Variants in COLGALT2 observed in about 807,000 individuals in gnomAD.
The protein encoded by COLGALT2 is collagen beta(1-O)galactosyltransferase 2.
A neutral mutation model predicts 73.4 loss-of-function variants in COLGALT2; 49 were observed. The observed-to-expected ratio is 0.67, with a 90% CI of 0.53 to 0.85. COLGALT2 has a LOEUF of 0.85. COLGALT2 is among the 40% of genes least tolerant of loss of function. The pLI, the probability that COLGALT2 is intolerant of heterozygous loss-of-function variation, is 0.00. For synonymous variants in COLGALT2, 295 were observed against 307.6 expected (o/e 0.96, Z 0.43); for missense variants, 722 against 790.2 (o/e 0.91, Z 1.03).
chr1:183,932,635 C>T (rs1023595117), downstream of COLGALT2, among the ~76,000 whole-genome samples: 4 of 152,150 alleles, frequency 2.6e-5, no homozygotes, highest in African/African-American at 4.8e-5. Context: ...GCTTGTTCCA[C>T]GGCTGGGGTC....
In COLGALT2 at chr1:183,969,478, A is replaced by G. The variant is rs758136485; in HGVS notation, c.628-5T>C. On this transcript the variant is annotated splice_polypyrimidine_tract_variant and splice_region_variant and intron_variant, in intron 4 of 11. Coordinates refer to ENST00000361927, the MANE Select transcript of COLGALT2 (RefSeq NM_015101.4). ...TGGGGTCCTCTTATAGAAGCCCTGT[A>G]AAAGAGCAAATAGGTGGGTTGTGTT... 1.9e-6 allele frequency: 3 copies of G among 1,602,034 alleles called. No homozygotes were observed. The highest frequency in any genetic ancestry group is 2.6e-6 in the Non-Finnish European group (3 of 1,174,204).
At chr1:184,012,681 G>A (rs1053118926) in intron 1 of COLGALT2, among the ~76,000 whole-genome samples, 2 of 152,184 alleles carry the variant, frequency 1.3e-5, no homozygotes, top group Admixed American at 6.5e-5. Context: ...TCCCACAGAA[G>A]AGAATCCCAA....
chr1:184,022,185 A>T (rs181596714), intron 1 of COLGALT2, among the ~76,000 whole-genome samples: 11 of 152,350 alleles, frequency 7.2e-5, no homozygotes, highest in African/African-American at 2.6e-4. Flanking sequence ...ACCTTCTCCC[A>T]ATTATTTCAG....
chr1:184,016,613 G>A (rs1649009688), intron 1 of COLGALT2, among the ~76,000 whole-genome samples: 1 of 152,228 alleles, frequency 6.6e-6, no homozygotes. Context: ...CTTTTGTGGG[G>A]CTGGAAGCTT....
At chr1:183,977,060 T>G (rs571143416) in intron 2 of COLGALT2, among the ~76,000 whole-genome samples, 230 of 152,310 alleles carry the variant, frequency 1.5e-3, no homozygotes, top group African/African-American at 4.3e-3. Context: ...TTTGTTCAGG[T>G]CCTAAAGAGT....
intron 1 of COLGALT2, among the ~76,000 whole-genome samples, chr1:184,024,366 T>A (rs926490997): frequency 6.6e-6 from 1 of 151,848 alleles, no homozygotes; most frequent in Non-Finnish European, 1.5e-5. Context: ...TTTTCTTTTT[T>A]TTTTTTGACA....
chr1:183,995,190 A>G (rs1273801408), intron 1 of COLGALT2, among the ~76,000 whole-genome samples: 1 of 152,244 alleles, frequency 6.6e-6, no homozygotes, highest in African/African-American at 2.4e-5. Context: ...AAAATTGCAA[A>G]TGTAAGTACT....
intron 10 of COLGALT2, 77 bp from the exon 11 acceptor site, chr1:183,940,864 T>A: frequency 8.3e-7 from 1 of 1,208,332 alleles, no homozygotes; most frequent in Non-Finnish European, 1.2e-6. Context: ...AGCTTTGGTT[T>A]ACATAGATAC....
At chr1:183,955,786 G>A (rs1670536601) in intron 6 of COLGALT2, among the ~76,000 whole-genome samples, 1 of 152,192 alleles carries the variant, frequency 6.6e-6, no homozygotes, top group African/African-American at 2.4e-5. Flanking sequence ...CTGGTAACTG[G>A]GTTGTTGAAA....
chr1:184,003,917 G>A (rs1231470607), intron 1 of COLGALT2, among the ~76,000 whole-genome samples: 1 of 152,180 alleles, frequency 6.6e-6, no homozygotes, highest in African/African-American at 2.4e-5. Context: ...GTCCAAAGAA[G>A]ACGAAGAGGA....
At chr1:184,012,321 T>C (rs1467141249) in intron 1 of COLGALT2, among the ~76,000 whole-genome samples, 1 of 152,222 alleles carries the variant, frequency 6.6e-6, no homozygotes, top group African/African-American at 2.4e-5. Flanking sequence ...GAGATTTTGA[T>C]AGTCACCAAA....
At chr1:183,944,165 A>C in intron 10 of COLGALT2, 31 bp downstream of exon 10, 1 of 1,595,182 alleles carries the variant, frequency 6.3e-7, no homozygotes, top group Non-Finnish European at 8.5e-7. Context: ...TGCCTCTCAG[A>C]GCCCTCTCGT....
chr1:183,943,591 A>G (rs1390099391), intron 10 of COLGALT2, among the ~76,000 whole-genome samples: 1 of 152,130 alleles, frequency 6.6e-6, no homozygotes, highest in African/African-American at 2.4e-5. Context: ...GACAAAGAAC[A>G]TTAACTAAAT....
intron 1 of COLGALT2, among the ~76,000 whole-genome samples, chr1:183,990,896 C>T (rs1671612600): frequency 6.6e-6 from 1 of 152,148 alleles, no homozygotes; most frequent in African/African-American, 2.4e-5. Flanking sequence ...AGCATCTTGC[C>T]CTCCTTTAAA....
intron 1 of COLGALT2, among the ~76,000 whole-genome samples, chr1:183,980,364 A>G (rs973812730): frequency 3.3e-5 from 5 of 152,060 alleles, no homozygotes; most frequent in African/African-American, 1.2e-4. Flanking sequence ...CAAATATAAA[A>G]CAATAAGAAA....
chr1:183,972,824 C>G (rs1381125983), intron 4 of COLGALT2, among the ~76,000 whole-genome samples: 1 of 152,078 alleles, frequency 6.6e-6, no homozygotes. Context: ...CTCAGCCTTC[C>G]GAGTAGCTGG....
chr1:184,010,985 T>A (rs964380201), intron 1 of COLGALT2, among the ~76,000 whole-genome samples: 1 of 152,052 alleles, frequency 6.6e-6, no homozygotes, highest in African/African-American at 2.4e-5. Context: ...GAAGGCCTGT[T>A]TTTAATTCTC....
intron 1 of COLGALT2, among the ~76,000 whole-genome samples, chr1:183,986,672 G>T (rs1446264324): frequency 6.6e-6 from 1 of 151,990 alleles, no homozygotes; most frequent in Non-Finnish European, 1.5e-5. Flanking sequence ...TCATGATTCG[G>T]AGATATATTT....
intron 2 of COLGALT2, among the ~76,000 whole-genome samples, chr1:183,975,531 A>C (rs1183072025): frequency 6.6e-6 from 1 of 152,216 alleles, no homozygotes; most frequent in Non-Finnish European, 1.5e-5. Flanking sequence ...TCATTCGTCC[A>C]ATGTTACACA....
Sources: gnomAD v4.1 joint callset for allele counts (sites outside exome capture counted in the v4.1 genomes callset) on GRCh38, gnomAD v4.1.1 for gene constraint, MANE v1.5 for transcripts, NCBI Gene and HGNC (gene_info 2026-07-23, HGNC 2026-07-21) for gene names.